Variants in CFAP20DC observed in about 807,000 individuals in gnomAD.
CFAP20DC encodes the protein CFAP20 domain containing, also known as protein CFAP20DC.
In CFAP20DC, 84 loss-of-function variants were observed where a neutral mutation model predicts 101.7. That is an observed-to-expected ratio of 0.83 (90% confidence interval 0.69 to 0.99). The LOEUF (loss-of-function observed/expected upper bound fraction) is 0.99, where lower values mean the gene tolerates loss of function less well. Ranked by LOEUF, CFAP20DC falls within the 50% of genes least tolerant of loss-of-function variation. The pLI, the probability that CFAP20DC is intolerant of heterozygous loss-of-function variation, is 0.00. For synonymous variants in CFAP20DC, 359 were observed against 351.2 expected (o/e 1.02, Z -0.25); for missense variants, 1,007 against 970.3 (o/e 1.04, Z -0.50).
At chr3:58,719,923 A>G (rs1308066638) in intron 3 of CFAP20DC, among the ~76,000 whole-genome samples, 1 of 152,202 alleles carries the variant, frequency 6.6e-6, no homozygotes, top group African/African-American at 2.4e-5. Context: ...AACACAGTCC[A>G]TCTCCAGGCC....
At chr3:58,992,875 AATAC>A (rs1284315446) in intron 4 of CFAP20DC, among the ~76,000 whole-genome samples, 2 of 152,106 alleles carry the variant, frequency 1.3e-5, no homozygotes, top group Non-Finnish European at 2.9e-5. Flanking sequence ...TTTAAAATAA[AATAC>A]ATACTTTATT....
intron 15 of CFAP20DC, among the ~76,000 whole-genome samples, chr3:58,794,704 T>G (rs543948247): frequency 1.3e-5 from 2 of 152,232 alleles, no homozygotes; most frequent in Non-Finnish European, 2.9e-5. Context: ...TGATTTCTCC[T>G]GAGCCAGGCT....
Position 58,961,997 on chromosome 3 carries a change from C to T in CFAP20DC, c.279-24235G>A, listed in dbSNP as rs2091180392. Among the ~76,000 whole-genome samples, 5 of 152,236 alleles carry T rather than the reference C, an allele frequency of 3.3e-5. No homozygotes were observed. The South Asian group carries it at 1.0e-3, about 32-fold the overall frequency. On this transcript the variant is annotated intron_variant, in intron 4 of 16. Coordinates refer to ENST00000482387, the MANE Select transcript of CFAP20DC (RefSeq NM_001394063.1). ...ACTTTGGTTTCATTGATTTACTGTTCTGTTTTTACTCTTTTCTGATCTGTG... is the reference window on the plus strand; with the variant it reads ...ACTTTGGTTTCATTGATTTACTGTTTTGTTTTTACTCTTTTCTGATCTGTG...
intron 12 of CFAP20DC, among the ~76,000 whole-genome samples, chr3:58,849,846 T>C (rs1048766024): frequency 6.6e-6 from 1 of 152,176 alleles, no homozygotes; most frequent in African/African-American, 2.4e-5. Flanking sequence ...AGAGAAATGG[T>C]ACTCTATTAA....
chr3:58,937,104 T>G (rs1414935703), intron 5 of CFAP20DC, among the ~76,000 whole-genome samples: 1 of 152,128 alleles, frequency 6.6e-6, no homozygotes, highest in Non-Finnish European at 1.5e-5. Context: ...CCTTCAGAAG[T>G]TATACAACGT....
Position 59,030,875 on chromosome 3 carries a change from G to A in CFAP20DC, c.278+8682C>T, listed in dbSNP as rs182272504. 3.7e-3 allele frequency among the ~76,000 whole-genome samples: 564 copies of A among 152,206 alleles called. 3 individuals are homozygous for A. The highest frequency in any genetic ancestry group is 7.8e-3 in the Admixed American group (120 of 15,300). ...GTCTCGCTCTGTCACCCAGGCTGGA[G>A]TGCAGTGGAGCAATCTCGGCTCACT... is the stretch of plus-strand genomic sequence containing the variant. On this transcript the variant is annotated intron_variant, in intron 4 of 16. Coordinates refer to ENST00000482387, the MANE Select transcript of CFAP20DC (RefSeq NM_001394063.1).
chr3:58,881,092 G>T (rs1356424196), intron 7 of CFAP20DC, among the ~76,000 whole-genome samples: 1 of 152,062 alleles, frequency 6.6e-6, no homozygotes, highest in Non-Finnish European at 1.5e-5. Context: ...TTTTAGTAAG[G>T]ATTTCACCAT....
At chr3:58,985,644 C>T (rs2092725744) in intron 4 of CFAP20DC, among the ~76,000 whole-genome samples, 1 of 152,186 alleles carries the variant, frequency 6.6e-6, no homozygotes, top group South Asian at 2.1e-4. Flanking sequence ...TCCAAAAATG[C>T]CGTGCTTACC....
intron 7 of CFAP20DC, among the ~76,000 whole-genome samples, chr3:58,870,601 A>G (rs1397204961): frequency 6.6e-6 from 1 of 151,872 alleles, no homozygotes; most frequent in Non-Finnish European, 1.5e-5. Flanking sequence ...AAAAAAAAAA[A>G]GAAAGGGCCG....
intron 4 of CFAP20DC, among the ~76,000 whole-genome samples, chr3:58,959,802 C>T (rs1264791382): frequency 6.6e-6 from 1 of 152,188 alleles, no homozygotes; most frequent in Non-Finnish European, 1.5e-5. Flanking sequence ...CAAGTGCTCA[C>T]TGGGATTTTT....
intron 4 of CFAP20DC, among the ~76,000 whole-genome samples, chr3:58,991,860 G>A (rs561398927): frequency 2.0e-4 from 30 of 152,198 alleles, no homozygotes; most frequent in Non-Finnish European, 3.8e-4. Context: ...AGGGCTCGGG[G>A]ACCCCTGACT....
intron 4 of CFAP20DC, among the ~76,000 whole-genome samples, chr3:59,011,301 A>G (rs756374395): frequency 6.6e-6 from 1 of 151,844 alleles, no homozygotes; most frequent in Non-Finnish European, 1.5e-5. Flanking sequence ...GGGAGGCTGA[A>G]GCAGGAGAAC....
chr3:58,866,476 C>A, intron 11 of CFAP20DC, 90 bp downstream of exon 11: 1 of 1,121,208 alleles, frequency 8.9e-7, no homozygotes, highest in South Asian at 1.9e-5. Flanking sequence ...TCGGCTGCAT[C>A]ACCACTTTTC....
In CFAP20DC at chr3:58,948,134, G is replaced by T. The variant is rs116601754; in HGVS notation, c.279-10372C>A. Among the ~76,000 whole-genome samples, 409 of 152,334 alleles carry T rather than the reference G, an allele frequency of 2.7e-3. 1 individual carries two copies. Among genetic ancestry groups the T allele is most frequent in the African/African-American group, 9.3e-3 (385 of 41,570 alleles). On this transcript the variant is annotated intron_variant, in intron 4 of 16. Coordinates refer to ENST00000482387, the MANE Select transcript of CFAP20DC (RefSeq NM_001394063.1). Reference sequence around the variant, plus strand: ...CTGTCAAGTGCAGCTGATAGCAGAGGTGGGTCCAGAGGACATGACATGGGA... The same window carrying T: ...CTGTCAAGTGCAGCTGATAGCAGAGTTGGGTCCAGAGGACATGACATGGGA...
chr3:58,909,779 C>A (rs1222061565), intron 6 of CFAP20DC, among the ~76,000 whole-genome samples: 1 of 152,036 alleles, frequency 6.6e-6, no homozygotes, highest in Admixed American at 6.6e-5. Flanking sequence ...AGGTTTGTTA[C>A]ATAGGTAAAC....
intron 4 of CFAP20DC, among the ~76,000 whole-genome samples, chr3:58,972,115 T>C (rs920696747): frequency 6.6e-6 from 1 of 151,982 alleles, no homozygotes; most frequent in Admixed American, 6.6e-5. Flanking sequence ...ATAAAGAATA[T>C]AAAAAAAGTT....
intron 4 of CFAP20DC, among the ~76,000 whole-genome samples, chr3:58,939,006 G>GT (rs1419315057): frequency 6.6e-6 from 1 of 152,140 alleles, no homozygotes; most frequent in East Asian, 1.9e-4. Flanking sequence ...TGTAAACATA[G>GT]TATCACATTT....
rs574888036 is a variant in CFAP20DC at position 58,802,579 on chromosome 3, G to C, written c.2237+3816C>G. On this transcript the variant is annotated intron_variant, in intron 15 of 16. Coordinates refer to ENST00000482387, the MANE Select transcript of CFAP20DC (RefSeq NM_001394063.1). Reference sequence around the variant, plus strand: ...ATGCCTAACAGCGTAAGGGGAAATGGCTTTGTTGCAAATCTAGACACGCAA... The same window carrying C: ...ATGCCTAACAGCGTAAGGGGAAATGCCTTTGTTGCAAATCTAGACACGCAA... Among the ~76,000 whole-genome samples the C allele has an allele frequency of 2.6e-5, 4 of 152,142 alleles. No individual in the cohort carries two copies. In the East Asian group the frequency reaches 7.7e-4, roughly 29 times the overall value.
intron 4 of CFAP20DC, among the ~76,000 whole-genome samples, chr3:58,982,816 C>A (rs1448847194): frequency 6.6e-6 from 1 of 151,716 alleles, no homozygotes; most frequent in Admixed American, 6.6e-5. Flanking sequence ...ATGTAATAAA[C>A]CTGCACATTG....
Sources: allele counts gnomAD v4.1 joint callset (sites outside exome capture counted in the v4.1 genomes callset), GRCh38; gene constraint gnomAD v4.1.1; transcripts MANE v1.5; gene names NCBI Gene and HGNC (gene_info 2026-07-23, HGNC 2026-07-21).